Variants in CCDC88C observed in about 807,000 individuals in gnomAD.
CCDC88C encodes coiled-coil and HOOK domain protein 88C.
CCDC88C carries 131 observed loss-of-function variants against 198.8 expected under a neutral mutation model. The observed-to-expected ratio is 0.66, with a 90% CI of 0.57 to 0.76. CCDC88C has a LOEUF of 0.76. CCDC88C is among the 30% of genes least tolerant of loss of function. The pLI is 0.00. For synonymous variants in CCDC88C, 1,166 were observed against 1,114.7 expected, an observed-to-expected ratio of 1.05 and a Z score of -0.92; for missense variants, 2,553 against 2,631.6, an observed-to-expected ratio of 0.97 and a Z score of 0.65.
intron 2 of CCDC88C, among the ~76,000 whole-genome samples, chr14:91,410,778 A>T (rs1886749718): frequency 6.6e-6 from 1 of 152,234 alleles, no homozygotes; most frequent in South Asian, 2.1e-4. Flanking sequence ...GAACTCAGAG[A>T]ACATGCAGCG....
chr14:91,328,908 A>G (rs1892688455), intron 10 of CCDC88C, among the ~76,000 whole-genome samples: 1 of 152,218 alleles, frequency 6.6e-6, no homozygotes, highest in Non-Finnish European at 1.5e-5. Flanking sequence ...AGGAGCACAC[A>G]GCACCAGAGG....
intron 4 of CCDC88C, among the ~76,000 whole-genome samples, chr14:91,354,989 A>G (rs755706506): frequency 1.1e-4 from 16 of 152,210 alleles, no homozygotes; most frequent in Non-Finnish European, 1.8e-4. Flanking sequence ...AGGGGCTCAC[A>G]GGAGGTGTTT....
Position 91,272,838 on chromosome 14 carries a change from T to A in CCDC88C, c.5874A>T (p.Ala1958=). Residue 1958 remains alanine, a synonymous_variant, in exon 30 of 30, where the codon GCA becomes GCT. Coordinates refer to ENST00000389857, the MANE Select transcript of CCDC88C (RefSeq NM_001080414.4). ...GEVATITPVR[A]GLSLSEGDGV... ...CGTCTCCCTCTGAGAGGCTGAGCCC[T>A]GCCCGGACAGGGGTGATGGTGGCCA... The A allele has an allele frequency of 1.3e-6, 2 of 1,594,288 alleles. No homozygotes were observed. The highest frequency in any genetic ancestry group is 1.7e-6 in the Non-Finnish European group (2 of 1,171,246).
In CCDC88C at chr14:91,313,021, ACAGAAC is replaced by A; in HGVS notation, c.2736+53_2736+58del. On this transcript the variant is annotated intron_variant, in intron 15 of 29. Coordinates refer to ENST00000389857, the MANE Select transcript of CCDC88C (RefSeq NM_001080414.4). This position sits in a 1 kb window ranked among gnomAD's most constrained non-coding sequence, Gnocchi z 5.2. Reference sequence around the variant, plus strand: ...TATTTCTCTCCTGAAACCATGCACCACAGAACCCACTACCACCATCTGCCAATCCCC... The same window carrying A: ...TATTTCTCTCCTGAAACCATGCACCACCACTACCACCATCTGCCAATCCCC... 1 of 1,334,622 alleles carries A rather than the reference ACAGAAC, an allele frequency of 7.5e-7. No homozygotes were observed. 82.7% of individuals were successfully genotyped at this position (1,334,622 alleles called of 1,614,324 possible).
chr14:91,314,172 A>C, intron 14 of CCDC88C, 22 bp from the exon 15 acceptor site: 1 of 1,580,604 alleles, frequency 6.3e-7, no homozygotes, highest in Non-Finnish European at 8.6e-7. Flanking sequence ...CACAACAGGC[A>C]CAACCCAGGC....
rs972041428 is a variant in CCDC88C at position 91,363,352 on chromosome 14, A to G, written c.271-3641T>C. On this transcript the variant is annotated intron_variant, in intron 3 of 29. Coordinates refer to ENST00000389857, the MANE Select transcript of CCDC88C (RefSeq NM_001080414.4). ...TCTTGAACTCCTGGACTCAGGCAATACCCCCACCTCGGCCTTCCAAAGTGC... is the reference window on the plus strand; with the variant it reads ...TCTTGAACTCCTGGACTCAGGCAATGCCCCCACCTCGGCCTTCCAAAGTGC... Among the ~76,000 whole-genome samples the G allele has an allele frequency of 1.5e-4, 23 of 151,236 alleles. 1 individual carries two copies. Among genetic ancestry groups the G allele is most frequent in the Non-Finnish European group, 4.4e-5 (3 of 67,938 alleles).
intron 3 of CCDC88C, among the ~76,000 whole-genome samples, chr14:91,400,044 C>A (rs1199330006): frequency 6.6e-6 from 1 of 152,010 alleles, no homozygotes; most frequent in Non-Finnish European, 1.5e-5. Flanking sequence ...GCAGACATTT[C>A]CCCCGAGAAA....
intron 25 of CCDC88C, among the ~76,000 whole-genome samples, chr14:91,286,548 T>A (rs1256342296): frequency 1.3e-5 from 2 of 152,250 alleles, no homozygotes; most frequent in Non-Finnish European, 2.9e-5. Flanking sequence ...TGTCTTATAG[T>A]AACATTAATC....
intron 3 of CCDC88C, among the ~76,000 whole-genome samples, chr14:91,389,365 G>A (rs574356983): frequency 6.6e-6 from 1 of 152,300 alleles, no homozygotes; most frequent in South Asian, 2.1e-4. Flanking sequence ...TGCTCTTGAA[G>A]ATGTGATTCC....
intron 4 of CCDC88C, among the ~76,000 whole-genome samples, chr14:91,348,037 G>A (rs547757322): frequency 7.2e-5 from 11 of 152,214 alleles, no homozygotes; most frequent in South Asian, 4.2e-4. Flanking sequence ...ATGGAGTCTC[G>A]CTCTGTCACC....
At chr14:91,306,174 G>T (rs1317762615) in intron 18 of CCDC88C, among the ~76,000 whole-genome samples, 1 of 152,184 alleles carries the variant, frequency 6.6e-6, no homozygotes, top group Non-Finnish European at 1.5e-5. Flanking sequence ...ATGCATGCTG[G>T]AGTTAAAGCT....
In CCDC88C at chr14:91,273,549, C is replaced by T. The variant is rs772831151; in HGVS notation, c.5163G>A (p.Gly1721=). ...GQPGPPAKKE[G]AKMPTNFVAP... ...CCACAAAGTTGGTGGGCATCTTGGCCCCTTCTTTCTTGGCAGGTGGTCCTG... is the reference window on the plus strand; with the variant it reads ...CCACAAAGTTGGTGGGCATCTTGGCTCCTTCTTTCTTGGCAGGTGGTCCTG... Residue 1721 remains glycine (G), a synonymous_variant, in exon 30 of 30, where the codon GGG becomes GGA. Transcript: ENST00000389857. This position sits in a 1 kb window ranked among gnomAD's most constrained non-coding sequence, Gnocchi z 5.6. The T allele has an allele frequency of 3.0e-5, 46 of 1,509,876 alleles. No individual in the cohort carries two copies. Among genetic ancestry groups the T allele is most frequent in the Non-Finnish European group, 4.0e-5 (45 of 1,127,806 alleles). 93.5% of individuals were successfully genotyped at this position (1,509,876 alleles called of 1,614,324 possible).
rs1894788803 is a variant in CCDC88C, at chr14:91,371,336, G to T, written c.271-11625C>A. Reference sequence around the variant, plus strand: ...CTGATGGATAAGCAAGAAAGGGGCAGAGAAAGTGTGGCCAGAGGAAACTAC... The same window carrying T: ...CTGATGGATAAGCAAGAAAGGGGCATAGAAAGTGTGGCCAGAGGAAACTAC... On this transcript the variant is annotated intron_variant, in intron 3 of 29. Transcript: ENST00000389857. This position sits in a 1 kb window ranked among gnomAD's most constrained non-coding sequence, Gnocchi z 4.2. Among the ~76,000 whole-genome samples the T allele has an allele frequency of 6.6e-6, 1 of 152,256 alleles. No homozygotes were observed. Among genetic ancestry groups the T allele is most frequent in the East Asian group, 1.9e-4 (1 of 5,178 alleles).
At position 91,338,524 on chromosome 14, in the gene CCDC88C, G is replaced by C; in HGVS notation, c.856C>G (p.Gln286Glu). Residue 286 changes from glutamine to glutamate, a missense_variant, in exon 9 of 30, where the codon CAG becomes GAG. This residue lies in a region of CCDC88C where 1,260 missense variants were observed against 1,412.0 expected (regional missense o/e 0.89). Transcript: ENST00000389857. This position sits in a 1 kb window ranked among gnomAD's most constrained non-coding sequence, Gnocchi z 4.8. ...ACTTTCTGCAGTTCCAGCACCAGCT[G>C]GTCCACCTCATGTCTGGTGTCCACA... is the stretch of plus-strand genomic sequence containing the variant. ...QLVDTRHEVD[Q>E]LVLELQKVKQ... The C allele has an allele frequency of 6.4e-7, 1 of 1,572,324 alleles. No individual in the cohort carries two copies. Among genetic ancestry groups the C allele is most frequent in the African/African-American group, 1.4e-5 (1 of 73,742 alleles).
In CCDC88C at chr14:91,325,980, C is replaced by A; in HGVS notation, c.1127G>T (p.Arg376Leu). ...TTCCAGCTCATGGACTTTATCGCCC[C>A]GGGCCCGAGCAGCAGTCAGCTGTTC... ...LEEQLTAARARGDKVHELEKE... is the reference protein window; with the variant it reads ...LEEQLTAARALGDKVHELEKE... The change falls in exon 11 of 30, where the codon CGG (arginine) becomes CTG (leucine). Residue 376 changes from arginine (R) to leucine (L), a missense_variant. This residue lies in a region of CCDC88C where 1,260 missense variants were observed against 1,412.0 expected (regional missense o/e 0.89). Transcript: ENST00000389857. The surrounding 1 kb of genome is among the most constrained non-coding windows in gnomAD (Gnocchi z 4.1). The A allele has an allele frequency of 6.3e-7, 1 of 1,588,406 alleles. No individual in the cohort carries two copies. Among genetic ancestry groups the A allele is most frequent in the Non-Finnish European group, 8.6e-7 (1 of 1,166,654 alleles).
chr14:91,339,384 C>A lies in CCDC88C; in HGVS notation c.703G>T (p.Asp235Tyr). 1 of 1,613,534 alleles carries A rather than the reference C, an allele frequency of 6.2e-7. No individual in the cohort carries two copies. Among genetic ancestry groups the A allele is most frequent in the Non-Finnish European group, 8.5e-7 (1 of 1,179,736 alleles). ...PPSPIKSSSADSTPSPTSSLS... is the reference protein window; with the variant it reads ...PPSPIKSSSAYSTPSPTSSLS... ...CTGCTGGTGGGGCTGGGAGTGGAGT[C>A]GGCGCTGGAGGACTTGATGGGGCTG... The change falls in exon 8 of 30, where the codon GAC becomes TAC. Residue 235 changes from aspartate to tyrosine, a missense_variant. Asp to Tyr is a radical substitution (Grantham distance 160, BLOSUM62 -3). Transcript: ENST00000389857. The surrounding 1 kb of genome is among the most constrained non-coding windows in gnomAD (Gnocchi z 5.8).
At chr14:91,292,817 G>T (rs572272182) in intron 23 of CCDC88C, among the ~76,000 whole-genome samples, 263 of 152,236 alleles carry the variant, frequency 1.7e-3, no homozygotes, top group Middle Eastern at 3.4e-3. Context: ...CGAGATTCCT[G>T]GCACCAGGGT....
intron 20 of CCDC88C, among the ~76,000 whole-genome samples, chr14:91,301,444 G>C (rs1016555657): frequency 6.6e-6 from 1 of 152,240 alleles, no homozygotes; most frequent in African/African-American, 2.4e-5. Flanking sequence ...GGGTCAGCAC[G>C]GTGGCTCACG....
In CCDC88C at chr14:91,273,681, G is replaced by A. The variant is rs371067583; in HGVS notation, c.5059-28C>T. The A allele has an allele frequency of 2.1e-6, 3 of 1,438,300 alleles. No homozygotes were observed. The highest frequency in any genetic ancestry group is 2.7e-6 in the Non-Finnish European group (3 of 1,092,546). The allele number at this position is 1,438,300 out of a possible 1,614,324, so 89.1% of individuals were successfully genotyped here. On this transcript the variant is annotated intron_variant, in intron 29 of 29. Transcript: ENST00000389857. This position sits in a 1 kb window ranked among gnomAD's most constrained non-coding sequence, Gnocchi z 5.6. ...ACGGAGAAGAGAGTGAAGGTTGGAG[G>A]TGGGCATGAGGGTTGGGTGGGTCCT...
Sources: allele counts gnomAD v4.1 joint callset (sites outside exome capture counted in the v4.1 genomes callset), GRCh38; gene constraint gnomAD v4.1.1; regional missense constraint gnomAD v4.1.1; non-coding constraint Gnocchi (gnomAD v3.1); transcripts MANE v1.5; gene names NCBI Gene and HGNC (gene_info 2026-07-23, HGNC 2026-07-21).